Variants in ADGRE2 observed in about 807,000 individuals in gnomAD.
ADGRE2 encodes CD97 antigen.
ADGRE2 carries 83 observed loss-of-function variants against 100.8 expected under a neutral mutation model. That is an observed-to-expected ratio of 0.82 (90% CI 0.69 to 0.99). The LOEUF is 0.99. Among genes scored for constraint, ADGRE2 ranks in the 50% least tolerant of loss-of-function variants. ADGRE2 has a pLI of 0.00. For missense variants in ADGRE2, 814 were observed against 1,035.7 expected, an observed-to-expected ratio of 0.79 and a Z score of 2.94; for synonymous variants, 355 against 413.0, an observed-to-expected ratio of 0.86 and a Z score of 1.70.
Position 14,772,490 on chromosome 19 carries a change from G to A in ADGRE2, c.207C>T (p.Asn69=), listed in dbSNP as rs45566733. The A allele has an allele frequency of 1.6e-4, 256 of 1,613,692 alleles. No individual in the cohort carries two copies. Among genetic ancestry groups the A allele is most frequent in the East Asian group, 2.5e-4 (11 of 44,866 alleles). ...ACACTTTCGACAGTGTTGCACACTCGTTGATGTCTGGAACACAACAGGACA... is the reference window on the plus strand; with the variant it reads ...ACACTTTCGACAGTGTTGCACACTCATTGATGTCTGGAACACAACAGGACA... ...TTPMETCDDI[N]ECATLSKVSC... is the part of the protein sequence containing the mutation. The change falls in exon 5 of 21, where the codon AAC becomes AAT. Residue 69 remains asparagine, a synonymous_variant. Transcript: ENST00000315576.
intron 15 of ADGRE2, among the ~76,000 whole-genome samples, 192 bp downstream of exon 15, chr19:14,752,137 T>G (rs1236214913): frequency 6.6e-6 from 1 of 151,926 alleles, no homozygotes; most frequent in East Asian, 1.9e-4. Context: ...TTCTCCATGT[T>G]GGTCAGGCTG....
intron 10 of ADGRE2, 136 bp from the exon 11 acceptor site, chr19:14,764,746 C>T (rs1223359194): frequency 4.8e-5 from 42 of 869,812 alleles, no homozygotes; most frequent in Admixed American, 8.8e-5. Context: ...CGGCTGGGCG[C>T]GGTGGCTCAC....
chr19:14,752,679 C>T (rs1394835235), intron 14 of ADGRE2, among the ~76,000 whole-genome samples, 153 bp from the exon 15 acceptor site: 2 of 152,062 alleles, frequency 1.3e-5, no homozygotes, highest in South Asian at 2.1e-4. Context: ...ATTTAATTTG[C>T]GAAGGTGTCA....
chr19:14,758,650 T>C (rs376754169), intron 11 of ADGRE2, among the ~76,000 whole-genome samples: 1 of 152,100 alleles, frequency 6.6e-6, no homozygotes, highest in African/African-American at 2.4e-5. Flanking sequence ...TTTGGGAGGC[T>C]GAGGCGGGAG....
chr19:14,753,559 C>T (rs534792669), intron 14 of ADGRE2, among the ~76,000 whole-genome samples: 6 of 151,920 alleles, frequency 3.9e-5, no homozygotes, highest in South Asian at 2.1e-4. Flanking sequence ...TTTGGGAGGC[C>T]GAGGCGGGTG....
chr19:14,764,742 G>T, intron 10 of ADGRE2, 132 bp from the exon 11 acceptor site: 1 of 972,790 alleles, frequency 1.0e-6, no homozygotes, highest in Non-Finnish European at 1.5e-6. Context: ...TTGGCGGCTG[G>T]GCGCGGTGGC....
chr19:14,752,759 A>G (rs781442012), intron 14 of ADGRE2, among the ~76,000 whole-genome samples: 10 of 148,492 alleles, frequency 6.7e-5, no homozygotes, highest in Non-Finnish European at 1.0e-4. Flanking sequence ...CATTATAGTC[A>G]TGTATGGCAC....
chr19:14,765,292 G>T (rs746890866), intron 10 of ADGRE2, 28 bp downstream of exon 10: 1 of 1,613,104 alleles, frequency 6.2e-7, no homozygotes, highest in Non-Finnish European at 8.5e-7. Flanking sequence ...TTCCTGCCTC[G>T]CCCCCTTGCC....
rs371644267 is a variant in ADGRE2, at chr19:14,764,556, G to C, written c.961C>G (p.Leu321Val). 6.8e-6 allele frequency: 11 copies of C among 1,612,754 alleles called. No homozygotes were observed. Among genetic ancestry groups the C allele is most frequent in the East Asian group, 6.7e-5 (3 of 44,880 alleles). Residue 321 changes from leucine to valine, a missense_variant, in exon 11 of 21, where the codon CTG becomes GTG. Transcript: ENST00000315576. ...ACACAGTGCTGCTGTAAGCGGGGCA[G>C]GGTCTCCAGGTCCCCAGGGGCCTCC... The part of the protein sequence containing the change: ...LLEAPGDLET[L>V]PRLQQHCVAS...
rs1185232411 is a variant in ADGRE2, at chr19:14,755,801, A to G, written c.1269T>C (p.Pro423=). ...LLAEAPLVLE[P]EKQMLLHETH... ...TCTCATGCAGAAGCATCTGCTTCTC[A>G]GGTTCCAGGACCAGAGGGGCCTCAG... The change falls in exon 13 of 21, where the codon CCT becomes CCC. Residue 423 remains proline (P), a synonymous_variant. Coordinates refer to ENST00000315576, the MANE Select transcript of ADGRE2 (RefSeq NM_013447.4). 6.2e-7 allele frequency: 1 copy of G among 1,614,206 alleles called. No individual in the cohort carries two copies. Among genetic ancestry groups the G allele is most frequent in the African/African-American group, 1.3e-5 (1 of 75,046 alleles).
downstream of ADGRE2, among the ~76,000 whole-genome samples, chr19:14,730,470 CT>C (rs755779637): frequency 3.3e-5 from 3 of 89,668 alleles, no homozygotes; most frequent in East Asian, 1.0e-3. Context: ...CTTTCTTTCA[CT>C]TTTTTCTTTT....
At chr19:14,738,316 A>T (rs1192440883) in intron 20 of ADGRE2, among the ~76,000 whole-genome samples, 1 of 152,206 alleles carries the variant, frequency 6.6e-6, no homozygotes, top group Non-Finnish European at 1.5e-5. Flanking sequence ...GTGGGAAATT[A>T]ATGAAATGTT....
rs1209239626 is a variant in ADGRE2, at chr19:14,765,708, C to T, written c.731G>A (p.Trp244Ter). 12 of 1,613,440 alleles carry T rather than the reference C, an allele frequency of 7.4e-6. No homozygotes were observed. The highest frequency in any genetic ancestry group is 3.3e-5 in the Admixed American group (2 of 59,992). Residue 244 changes from tryptophan to a stop codon, truncating the protein, a stop_gained, in exon 8 of 21, where the codon TGG becomes TAG. Coordinates refer to ENST00000315576, the MANE Select transcript of ADGRE2 (RefSeq NM_013447.4). LOFTEE classifies it high-confidence loss of function. ...GSYSCRCRPG[W>*]KPRHGIPNNQ... ...ATTCGGGATTCCGTGTCTGGGCTTC[C>T]AGCCTGGGCGGCAGCGGCAGCTGTA...
chr19:14,768,866 G>A (rs1238802916), intron 5 of ADGRE2: 1 of 152,332 alleles, frequency 6.6e-6, no homozygotes, highest in Non-Finnish European at 1.5e-5. Flanking sequence ...TTCGACTGGG[G>A]ACAGTGGCCC....
chr19:14,770,153 G>T (rs1157264573), intron 5 of ADGRE2, among the ~76,000 whole-genome samples: 1 of 152,036 alleles, frequency 6.6e-6, no homozygotes, highest in African/African-American at 2.4e-5. Flanking sequence ...GGAGGTGTTT[G>T]GGTCCTGAGT....
In ADGRE2 at chr19:14,751,931, ATT is replaced by A. The variant is rs199828270; in HGVS notation, c.1789-262_1789-261del. Among the ~76,000 whole-genome samples the A allele has an allele frequency of 2.0e-3, 266 of 133,642 alleles. 1 individual carries two copies. Among genetic ancestry groups the A allele is most frequent in the African/African-American group, 6.5e-3 (242 of 37,196 alleles). The allele number at this position is 133,642 out of a possible 152,430, so 87.7% of individuals were successfully genotyped here. A position where few individuals can be genotyped will look rare whatever the true frequency, so the allele number is the denominator to read the frequency against. On this transcript the variant is annotated intron_variant, in intron 15 of 20. Coordinates refer to ENST00000315576, the MANE Select transcript of ADGRE2 (RefSeq NM_013447.4). ...CACACACATATATATATATATATAT[ATT>A]TTTTTTTTTTTTTTTTTGAGACGGA...
At chr19:14,746,500 G>T (rs1374478147) in intron 17 of ADGRE2, among the ~76,000 whole-genome samples, 177 bp from the exon 18 acceptor site, 1 of 151,386 alleles carries the variant, frequency 6.6e-6, no homozygotes, top group Non-Finnish European at 1.5e-5. Context: ...AGCCTCCCGA[G>T]TACAGGCACC....
chr19:14,765,825 G>A (rs1013526561), intron 7 of ADGRE2, 21 bp from the exon 8 acceptor site: 3 of 1,612,110 alleles, frequency 1.9e-6, no homozygotes, highest in East Asian at 2.2e-5. Flanking sequence ...GAAGAAGGGG[G>A]TCAGGTCCTG....
intron 11 of ADGRE2, among the ~76,000 whole-genome samples, chr19:14,762,285 A>G (rs1185510806): frequency 6.6e-6 from 1 of 152,226 alleles, no homozygotes; most frequent in East Asian, 1.9e-4. Flanking sequence ...GTATTCATAC[A>G]ATAGAATAGT....
Sources: allele counts gnomAD v4.1 joint callset (sites outside exome capture counted in the v4.1 genomes callset), GRCh38; gene constraint gnomAD v4.1.1; transcripts MANE v1.5; gene names NCBI Gene and HGNC (gene_info 2026-07-23, HGNC 2026-07-21).